TMEM132C: variants seen among roughly 807,000 people sequenced by gnomAD.
The protein encoded by TMEM132C is transmembrane protein 132C, also known as protein phosphatase 1, regulatory subunit 152.
In TMEM132C, 29 loss-of-function variants were observed where a neutral mutation model predicts 61.4. The ratio of observed to expected loss-of-function variants is 0.47; its 90% CI spans 0.35 to 0.64. The LOEUF is 0.64. Ranked by LOEUF, TMEM132C falls within the 30% of genes least tolerant of loss-of-function variation. TMEM132C has a pLI of 0.00. For missense variants in TMEM132C, 1,408 were observed against 1,476.9 expected, an observed-to-expected ratio of 0.95 and a Z score of 0.76; for synonymous variants, 656 against 633.1, an observed-to-expected ratio of 1.04 and a Z score of -0.54.
Position 128,326,655 on chromosome 12 carries a change from C to T in TMEM132C, c.85+59168C>T, listed in dbSNP as rs188788179. Among the ~76,000 whole-genome samples the T allele has an allele frequency of 4.6e-5, 7 of 152,208 alleles. No individual in the cohort carries two copies. The highest frequency in any genetic ancestry group is 6.5e-5 in the Admixed American group (1 of 15,294). On this transcript the variant is annotated intron_variant, in intron 1 of 8. Coordinates refer to ENST00000435159, the MANE Select transcript of TMEM132C (RefSeq NM_001136103.3). This position sits in a 1 kb window ranked among gnomAD's most constrained non-coding sequence, Gnocchi z 5.6. ...GCGTGGGTAATTAGACTGTCACTCT[C>T]GAGGAAGGGAACACTGAAGCAGGAT...
intron 1 of TMEM132C, among the ~76,000 whole-genome samples, chr12:128,365,566 C>T (rs1393419451): frequency 6.6e-6 from 1 of 152,162 alleles, no homozygotes; most frequent in Non-Finnish European, 1.5e-5. Context: ...TCTGAATTCT[C>T]TTTTCTTAGA....
chr12:128,373,481 G>A (rs1346466730), intron 1 of TMEM132C, among the ~76,000 whole-genome samples: 1 of 152,176 alleles, frequency 6.6e-6, no homozygotes, highest in African/African-American at 2.4e-5. Flanking sequence ...ACTTTGCAGG[G>A]GAGAAAGAGA....
chr12:128,642,971 A>G (rs930506165), intron 4 of TMEM132C, among the ~76,000 whole-genome samples: 3 of 152,184 alleles, frequency 2.0e-5, no homozygotes, highest in Non-Finnish European at 2.9e-5. Context: ...AGCAGGGGGC[A>G]GGAAATGTTT....
intron 3 of TMEM132C, among the ~76,000 whole-genome samples, chr12:128,564,077 G>C (rs1246998356): frequency 2.6e-5 from 4 of 152,220 alleles, no homozygotes; most frequent in East Asian, 1.9e-4. Context: ...GAGGAGGGCT[G>C]CTTCTGGGAT....
intron 2 of TMEM132C, among the ~76,000 whole-genome samples, chr12:128,477,181 G>C (rs922970231): frequency 6.6e-6 from 1 of 152,128 alleles, no homozygotes; most frequent in African/African-American, 2.4e-5. Flanking sequence ...GGAGTGGGCT[G>C]GTCTGGGAAT....
chr12:128,622,384 T>C (rs1449611786), intron 4 of TMEM132C, among the ~76,000 whole-genome samples: 1 of 107,814 alleles, frequency 9.3e-6, no homozygotes, highest in African/African-American at 4.0e-5. Flanking sequence ...TATATATATA[T>C]ATATATATAT....
At chr12:128,595,831 A>G (rs1875923814) in intron 3 of TMEM132C, among the ~76,000 whole-genome samples, 1 of 152,228 alleles carries the variant, frequency 6.6e-6, no homozygotes, top group Non-Finnish European at 1.5e-5. Flanking sequence ...GGAAAGAGGA[A>G]TCAGCCGCTT....
chr12:128,345,901 T>C (rs1448139564), intron 1 of TMEM132C, among the ~76,000 whole-genome samples: 1 of 152,210 alleles, frequency 6.6e-6, no homozygotes, highest in African/African-American at 2.4e-5. Flanking sequence ...TTAGATCCCA[T>C]TTGTCAGTTG....
chr12:128,507,365 T>C (rs905123284), intron 2 of TMEM132C, among the ~76,000 whole-genome samples: 1 of 151,236 alleles, frequency 6.6e-6, no homozygotes, highest in Admixed American at 6.6e-5. Flanking sequence ...TGTGCGAAGG[T>C]TTGTCCAGGT....
chr12:128,441,006 A>C (rs1869764580), intron 2 of TMEM132C, among the ~76,000 whole-genome samples: 1 of 152,176 alleles, frequency 6.6e-6, no homozygotes, highest in African/African-American at 2.4e-5. Flanking sequence ...GCGCCACTGC[A>C]CTCCAGCATG....
intron 2 of TMEM132C, among the ~76,000 whole-genome samples, chr12:128,456,424 T>G (rs1426252275): frequency 8.3e-5 from 9 of 108,446 alleles, no homozygotes; most frequent in Non-Finnish European, 1.4e-4. Flanking sequence ...TTTTTTTTTT[T>G]TAGCAAAGGT....
intron 1 of TMEM132C, among the ~76,000 whole-genome samples, chr12:128,402,462 C>A (rs1672371467): frequency 6.6e-6 from 1 of 152,152 alleles, no homozygotes; most frequent in African/African-American, 2.4e-5. Context: ...TTTTAGACTT[C>A]TGACCTCCAG....
rs1367815895 is a variant in TMEM132C at position 128,707,681 on chromosome 12, A to C, written c.*1386A>C. On this transcript the variant is annotated 3_prime_UTR_variant, in exon 9 of 9. Transcript: ENST00000435159. ...CGGCTGCAGGAGGAAGATGCCTGAC[A>C]GCCCTCATGCTCTCCGCAGGGGGGC... 6.6e-6 allele frequency: 1 copy of C among 152,206 alleles called. No homozygotes were observed. The highest frequency in any genetic ancestry group is 2.4e-5 in the African/African-American group (1 of 41,456). The allele number at this position is 152,206 out of a possible 1,614,324, so 9.4% of individuals were successfully genotyped here.
rs12320896 is a variant in TMEM132C at position 128,677,424 on chromosome 12, A to T, written c.1449+7864A>T. On this transcript the variant is annotated intron_variant, in intron 5 of 8. Transcript: ENST00000435159. Reference sequence around the variant, plus strand: ...TAATAAGAAAATGCATGAGAATCTTACGGAGATGATGGGCGACATGAATAG... The same window carrying T: ...TAATAAGAAAATGCATGAGAATCTTTCGGAGATGATGGGCGACATGAATAG... Among the ~76,000 whole-genome samples, 272 of 152,220 alleles carry T rather than the reference A, an allele frequency of 1.8e-3. 2 individuals carry two copies. Among genetic ancestry groups the T allele is most frequent in the African/African-American group, 5.6e-3 (233 of 41,538 alleles).
Position 128,280,937 on chromosome 12 carries a change from T to A in TMEM132C, c.85+13450T>A, listed in dbSNP as rs1313722822. Among the ~76,000 whole-genome samples, 4 of 152,126 alleles carry A rather than the reference T, an allele frequency of 2.6e-5. No individual in the cohort carries two copies. In the East Asian group the frequency reaches 7.7e-4, roughly 29 times the overall value. On this transcript the variant is annotated intron_variant, in intron 1 of 8. Coordinates refer to ENST00000435159, the MANE Select transcript of TMEM132C (RefSeq NM_001136103.3). ...GAGTTCATATGGGCTAGAAGTGGGATGCAGAGAAAAATGTGGGTGTTGTTA... is the reference window on the plus strand; with the variant it reads ...GAGTTCATATGGGCTAGAAGTGGGAAGCAGAGAAAAATGTGGGTGTTGTTA...
intron 8 of TMEM132C, among the ~76,000 whole-genome samples, chr12:128,700,568 C>A (rs996137400): frequency 5.9e-5 from 9 of 152,182 alleles, no homozygotes; most frequent in African/African-American, 2.2e-4. Flanking sequence ...ACTGTTCAGT[C>A]TTTTATCTCA....
At chr12:128,681,653 TC>T (rs1169975979) in intron 5 of TMEM132C, among the ~76,000 whole-genome samples, 2 of 73,634 alleles carry the variant, frequency 2.7e-5, no homozygotes, top group Non-Finnish European at 5.3e-5. Context: ...CCAGACTGTA[TC>T]TTTTTTTTTT....
chr12:128,622,363 ATAT>A (rs1565994554), intron 4 of TMEM132C, among the ~76,000 whole-genome samples: 2,132 of 56,406 alleles, frequency 0.038, 70 homozygotes, highest in Non-Finnish European at 0.057. Context: ...AAAAAAAAAT[ATAT>A]ATATATATAT....
chr12:128,481,005 C>T (rs1169320528), intron 2 of TMEM132C, among the ~76,000 whole-genome samples: 6 of 152,196 alleles, frequency 3.9e-5, no homozygotes, highest in African/African-American at 1.4e-4. Context: ...GCATCTCGCA[C>T]GCTTCCTGGC....
Sources: gnomAD v4.1 joint callset for allele counts (sites outside exome capture counted in the v4.1 genomes callset) on GRCh38, gnomAD v4.1.1 for gene constraint, Gnocchi (gnomAD v3.1) non-coding constraint, MANE v1.5 for transcripts, NCBI Gene and HGNC (gene_info 2026-07-23, HGNC 2026-07-21) for gene names.